The following GPR137 variants were observed in gnomAD, a reference collection of about 807,000 sequenced individuals.
GPR137 encodes integral membrane protein GPR137.
In GPR137, 20 loss-of-function variants were observed where a neutral mutation model predicts 38.9. The ratio of observed to expected loss-of-function variants is 0.51; its 90% CI spans 0.36 to 0.75. The LOEUF is 0.75. Among genes scored for constraint, GPR137 ranks in the 30% least tolerant of loss-of-function variants. The probability of loss-of-function intolerance (pLI) is 0.00; values close to 1 mark genes in which losing one functional copy is unlikely to be tolerated. For synonymous variants in GPR137, 226 were observed against 235.8 expected (o/e 0.96, Z 0.38); for missense variants, 456 against 526.4 (o/e 0.87, Z 1.31).
chr11:64,288,054 A>G lies in GPR137; in HGVS notation c.634-11A>G. ...CTCTCCCTGAGGGTCCTCTGTTGTTACCTGTGCCAGGGGACCAGTGTGTGC... is the reference window on the plus strand; with the variant it reads ...CTCTCCCTGAGGGTCCTCTGTTGTTGCCTGTGCCAGGGGACCAGTGTGTGC... On this transcript the variant is annotated splice_polypyrimidine_tract_variant and intron_variant, in intron 3 of 6. Coordinates refer to ENST00000438980, the MANE Select transcript of GPR137 (RefSeq NM_001170880.2). This position sits in a 1 kb window ranked among gnomAD's most constrained non-coding sequence, Gnocchi z 5.5. The G allele has an allele frequency of 6.2e-7, 1 of 1,608,724 alleles. No homozygotes were observed. Among genetic ancestry groups the G allele is most frequent in the South Asian group, 1.1e-5 (1 of 91,060 alleles).
intron 2 of GPR137, 58 bp from the exon 3 acceptor site, chr11:64,287,663 G>T: frequency 6.3e-7 from 1 of 1,590,848 alleles, no homozygotes; most frequent in East Asian, 2.2e-5. Context: ...AGGAGGTGGG[G>T]CAGGTGGTGA....
In GPR137 at chr11:64,288,308, G is replaced by A. The variant is rs747549619; in HGVS notation, c.784-32G>A. On this transcript the variant is annotated intron_variant, in intron 4 of 6. Transcript: ENST00000438980. This position sits in a 1 kb window ranked among gnomAD's most constrained non-coding sequence, Gnocchi z 5.5. ...GTCCCACTACCCCTTTGGCGTGACT[G>A]CAGACTGGCACCAGCCCCTGCCTTC... is the stretch of plus-strand genomic sequence containing the variant. 2.5e-6 allele frequency: 4 copies of A among 1,613,140 alleles called. No individual in the cohort carries two copies. Among genetic ancestry groups the A allele is most frequent in the Non-Finnish European group, 3.4e-6 (4 of 1,179,890 alleles).
At chr11:64,272,314 C>T (rs1304536125), upstream of GPR137, among the ~76,000 whole-genome samples, 1 of 141,980 alleles carries the variant, frequency 7.0e-6, no homozygotes, top group African/African-American at 2.5e-5. Context: ...CTTTTTTTCT[C>T]AAAAGAAAAA....
intron 2 of GPR137, among the ~76,000 whole-genome samples, chr11:64,278,662 G>A (rs2135124500): frequency 6.6e-6 from 1 of 152,278 alleles, no homozygotes; most frequent in African/African-American, 2.4e-5. Flanking sequence ...TGGCCCAGGG[G>A]CTAGCACTGG....
upstream of GPR137, among the ~76,000 whole-genome samples, chr11:64,280,358 A>ATAATAAT (rs1555069795): frequency 4.5e-5 from 6 of 132,316 alleles, no homozygotes; most frequent in African/African-American, 8.3e-5. Context: ...AATAATAATA[A>ATAATAAT]TTTTTTTTTT....
chr11:64,273,951 G>A (rs902884459), upstream of GPR137, among the ~76,000 whole-genome samples: 1 of 151,904 alleles, frequency 6.6e-6, no homozygotes, highest in African/African-American at 2.4e-5. Context: ...CTTTGGAGGA[G>A]GTAAATTACA....
chr11:64,284,920 C>T, upstream of GPR137: 6 of 1,415,750 alleles, frequency 4.2e-6, no homozygotes, highest in South Asian at 7.5e-5. Context: ...GAGGGATTCT[C>T]TGGGGTCCCC....
At chr11:64,283,991 G>A (rs2033660922), upstream of GPR137, among the ~76,000 whole-genome samples, 1 of 152,182 alleles carries the variant, frequency 6.6e-6, no homozygotes, top group South Asian at 2.1e-4. Context: ...CATCCTATAT[G>A]TTCCTGCTAA....
upstream of GPR137, chr11:64,284,993 C>G: frequency 7.6e-7 from 1 of 1,307,332 alleles, no homozygotes; most frequent in Non-Finnish European, 9.9e-7. Flanking sequence ...CCTTAGTTTC[C>G]CCCCAGTGAA....
Position 64,288,762 on chromosome 11 carries a change from G to A in GPR137, c.1031+41G>A, listed in dbSNP as rs187575662. 4.9e-3 allele frequency: 2,565 copies of A among 527,168 alleles called. 30 individuals carry two copies. In the East Asian group the frequency reaches 0.055, roughly 11 times the overall value. 32.7% of individuals were successfully genotyped at this position (527,168 alleles called of 1,614,324 possible). On this transcript the variant is annotated intron_variant, in intron 6 of 6. Coordinates refer to ENST00000438980, the MANE Select transcript of GPR137 (RefSeq NM_001170880.2). The surrounding 1 kb of genome is among the most constrained non-coding windows in gnomAD (Gnocchi z 5.5). ...CTGCCTCAGTACCCCTGCCCTACCCGCCCACCCCGCTGGCTCCATCAAGCT... is the reference window on the plus strand; with the variant it reads ...CTGCCTCAGTACCCCTGCCCTACCCACCCACCCCGCTGGCTCCATCAAGCT...
upstream of GPR137, among the ~76,000 whole-genome samples, chr11:64,274,298 A>G (rs573964087): frequency 7.2e-5 from 11 of 152,272 alleles, 1 homozygote; most frequent in African/African-American, 2.6e-4. Context: ...GAGGCAGGAC[A>G]ATGGCGTGAA....
Position 64,286,973 on chromosome 11 carries a change from C to G in GPR137, c.366C>G (p.Phe122Leu), listed in dbSNP as rs2034156090. ...GGCATCTCTGCTCCTAGGTGGTGTTCAAGGCCAAGGTGAAGCGTCGGCCGG... is the reference window on the plus strand; with the variant it reads ...GGCATCTCTGCTCCTAGGTGGTGTTGAAGGCCAAGGTGAAGCGTCGGCCGG... Reference protein sequence around the residue: ...LMNLYFAQVVFKAKVKRRPEM... With the variant: ...LMNLYFAQVVLKAKVKRRPEM... The change falls in exon 2 of 7, where the codon TTC becomes TTG. Residue 122 changes from phenylalanine to leucine, a missense_variant. Phe to Leu is a conservative substitution (Grantham distance 22). Coordinates refer to ENST00000438980, the MANE Select transcript of GPR137 (RefSeq NM_001170880.2). 6.2e-7 allele frequency: 1 copy of G among 1,613,864 alleles called. No individual in the cohort carries two copies. The highest frequency in any genetic ancestry group is 1.3e-5 in the African/African-American group (1 of 75,014).
Position 64,286,342 on chromosome 11 carries a change from G to A in GPR137, c.-183G>A. Reference sequence around the variant, plus strand: ...GGGGCCTGGGGCCCAGGCTGCCTGTGTTCCCCAAGGGCAAGGGTCTCTCTG... The same window carrying A: ...GGGGCCTGGGGCCCAGGCTGCCTGTATTCCCCAAGGGCAAGGGTCTCTCTG... On this transcript the variant is annotated 5_prime_UTR_variant, in exon 1 of 7. Coordinates refer to ENST00000438980, the MANE Select transcript of GPR137 (RefSeq NM_001170880.2). 7.1e-7 allele frequency: 1 copy of A among 1,404,794 alleles called. No individual in the cohort carries two copies. The highest frequency in any genetic ancestry group is 1.7e-5 in the South Asian group (1 of 59,176). 87.0% of individuals were successfully genotyped at this position (1,404,794 alleles called of 1,614,324 possible).
upstream of GPR137, chr11:64,284,201 G>A (rs147750998): frequency 4.9e-5 from 78 of 1,601,560 alleles, no homozygotes; most frequent in African/African-American, 9.8e-4. Context: ...GGCTGCTGCT[G>A]GTTGGCTGCT....
chr11:64,284,079 G>T, upstream of GPR137: 1 of 1,380,508 alleles, frequency 7.2e-7, no homozygotes, highest in East Asian at 2.3e-5. Context: ...AGAGTTTGGG[G>T]ACCGACCCAA....
chr11:64,275,460 T>C (rs2032990870), upstream of GPR137, among the ~76,000 whole-genome samples: 1 of 152,090 alleles, frequency 6.6e-6, no homozygotes, highest in East Asian at 1.9e-4. Flanking sequence ...TTCTGTGAAA[T>C]GGGGGCAGTT....
upstream of GPR137, among the ~76,000 whole-genome samples, chr11:64,280,306 C>G (rs1257292104): frequency 2.9e-5 from 4 of 138,402 alleles, no homozygotes; most frequent in Non-Finnish European, 6.2e-5. Flanking sequence ...GGCGACAGAG[C>G]AAGACTCCAT....
chr11:64,273,453 C>T (rs949459005), upstream of GPR137, among the ~76,000 whole-genome samples: 9 of 152,126 alleles, frequency 5.9e-5, no homozygotes, highest in East Asian at 1.9e-4. Context: ...TTCAGAGGCC[C>T]GCCTACTATG....
chr11:64,281,626 T>C (rs2033477249), upstream of GPR137, among the ~76,000 whole-genome samples: 1 of 152,238 alleles, frequency 6.6e-6, no homozygotes, highest in Non-Finnish European at 1.5e-5. Context: ...TCTCTTCCCA[T>C]CATCCCTGTG....
Sources: allele counts gnomAD v4.1 joint callset (sites outside exome capture counted in the v4.1 genomes callset), GRCh38; gene constraint gnomAD v4.1.1; non-coding constraint Gnocchi (gnomAD v3.1); transcripts MANE v1.5; gene names NCBI Gene and HGNC (gene_info 2026-07-23, HGNC 2026-07-21).